Variants in NCBP3 observed in about 807,000 individuals in gnomAD.
The protein encoded by NCBP3 is nuclear cap binding subunit 3.
NCBP3 carries 20 observed loss-of-function variants against 75.7 expected under a neutral mutation model. That is an observed-to-expected ratio of 0.26 (90% CI 0.19 to 0.38). NCBP3 has a LOEUF of 0.38. NCBP3 is among the 10% of genes least tolerant of loss of function. The pLI, the probability that NCBP3 is intolerant of heterozygous loss-of-function variation, is 1.00. For missense variants in NCBP3, 678 were observed against 796.9 expected, an observed-to-expected ratio of 0.85 and a Z score of 1.80; for synonymous variants, 293 against 290.5, an observed-to-expected ratio of 1.01 and a Z score of -0.09.
At chr17:3,820,766 A>G (rs1365808273) in intron 9 of NCBP3, among the ~76,000 whole-genome samples, 3 of 152,232 alleles carry the variant, frequency 2.0e-5, no homozygotes, top group Admixed American at 1.3e-4. Flanking sequence ...CCCCATCTCT[A>G]CTAAAAATAC....
At chr17:3,820,211 A>G (rs1488142489) in intron 9 of NCBP3, among the ~76,000 whole-genome samples, 1 of 152,132 alleles carries the variant, frequency 6.6e-6, no homozygotes, top group Non-Finnish European at 1.5e-5. Context: ...TGGCCTCCCA[A>G]AGTGCTGGGA....
intron 3 of NCBP3, among the ~76,000 whole-genome samples, chr17:3,836,976 T>A (rs1368123900): frequency 7.1e-6 from 1 of 140,188 alleles, no homozygotes; most frequent in Non-Finnish European, 1.6e-5. Context: ...TGGTGAAAAC[T>A]CGTCTCTATT....
chr17:3,821,381 T>G, intron 8 of NCBP3, 29 bp from the exon 9 acceptor site: 1 of 1,546,410 alleles, frequency 6.5e-7, no homozygotes, highest in Non-Finnish European at 8.9e-7. Context: ...AAGCACACAA[T>G]CAAAAACTGA....
At chr17:3,814,660 G>A (rs1567580288) in intron 11 of NCBP3, among the ~76,000 whole-genome samples, 177 bp from the exon 12 acceptor site, 2 of 151,966 alleles carry the variant, frequency 1.3e-5, no homozygotes, top group East Asian at 1.9e-4. Flanking sequence ...AGGAAAATTC[G>A]GACATAGGGG....
chr17:3,825,713 A>T (rs1346896186), intron 6 of NCBP3, 54 bp downstream of exon 6: 1 of 1,338,526 alleles, frequency 7.5e-7, no homozygotes, highest in East Asian at 2.5e-5. Context: ...AGTTAAAAAG[A>T]CAGTGAGCAA....
rs966572782 is a variant in NCBP3, at chr17:3,838,328, G to A, written c.355+1772C>T. ...AGGAATGCTCTCGGGACCAGAGGTC[G>A]ACAGGTGTGATAAAGCTATGACGCC... On this transcript the variant is annotated intron_variant, in intron 3 of 12. Transcript: ENST00000389005. 3.3e-5 allele frequency among the ~76,000 whole-genome samples: 5 copies of A among 152,264 alleles called. No individual in the cohort carries two copies. In the East Asian group the frequency reaches 7.7e-4, roughly 23 times the overall value.
intron 3 of NCBP3, among the ~76,000 whole-genome samples, chr17:3,832,182 G>GAA (rs2053889898): frequency 1.9e-5 from 1 of 51,442 alleles, no homozygotes; most frequent in African/African-American, 6.0e-5. Context: ...AGACTCCGTC[G>GAA]CAAAAAAAAA....
intron 10 of NCBP3, among the ~76,000 whole-genome samples, chr17:3,816,560 G>A (rs1213907318): frequency 6.6e-6 from 1 of 152,228 alleles, no homozygotes; most frequent in African/African-American, 2.4e-5. Flanking sequence ...CAAACGTTAA[G>A]TAGAGGCCTA....
chr17:3,833,731 T>G (rs920001116), intron 3 of NCBP3, among the ~76,000 whole-genome samples: 2 of 152,216 alleles, frequency 1.3e-5, no homozygotes, highest in African/African-American at 4.8e-5. Context: ...CACCTGTATG[T>G]AGGTTTTTTT....
rs1184636032 is a variant in NCBP3, at chr17:3,846,032, C to A, written c.183+9G>T. Reference sequence around the variant, plus strand: ...GACCTCTTCCTTACCCCCCGACCCCCGCCCGTACCGGGATCAGTTCCTTGA... The same window carrying A: ...GACCTCTTCCTTACCCCCCGACCCCAGCCCGTACCGGGATCAGTTCCTTGA... On this transcript the variant is annotated intron_variant, in intron 1 of 12. Transcript: ENST00000389005. The surrounding 1 kb of genome is among the most constrained non-coding windows in gnomAD (Gnocchi z 4.6). 1.3e-6 allele frequency: 2 copies of A among 1,546,046 alleles called. No homozygotes were observed. Among genetic ancestry groups the A allele is most frequent in the East Asian group, 5.0e-5 (2 of 39,732 alleles).
At chr17:3,845,209 A>G (rs2054140094) in intron 1 of NCBP3, among the ~76,000 whole-genome samples, 1 of 152,204 alleles carries the variant, frequency 6.6e-6, no homozygotes, top group East Asian at 1.9e-4. Context: ...GTTAATCATA[A>G]TTATAACGTT....
intron 3 of NCBP3, among the ~76,000 whole-genome samples, chr17:3,833,321 C>T (rs1369491220): frequency 6.6e-6 from 1 of 152,028 alleles, no homozygotes; most frequent in Non-Finnish European, 1.5e-5. Context: ...ACCATGTTGC[C>T]CAGGCTGGTC....
intron 2 of NCBP3, among the ~76,000 whole-genome samples, 167 bp from the exon 3 acceptor site, chr17:3,840,372 G>A (rs935488815): frequency 3.9e-5 from 6 of 152,124 alleles, no homozygotes; most frequent in Admixed American, 6.6e-5. Context: ...CTCAATGACT[G>A]GGGGGATATG....
intron 3 of NCBP3, among the ~76,000 whole-genome samples, chr17:3,835,878 G>A (rs1456774763): frequency 1.3e-5 from 2 of 152,208 alleles, no homozygotes; most frequent in Non-Finnish European, 2.9e-5. Context: ...CAAACTGTCT[G>A]AATGCTGGCA....
At chr17:3,834,487 G>A (rs1190600967) in intron 3 of NCBP3, among the ~76,000 whole-genome samples, 1 of 152,194 alleles carries the variant, frequency 6.6e-6, no homozygotes, top group Non-Finnish European at 1.5e-5. Flanking sequence ...CAAAAATGCT[G>A]ACAGCAGGCT....
At position 3,816,684 on chromosome 17, in the gene NCBP3, T is replaced by A. The variant is rs1043049282; in HGVS notation, c.1311-414A>T. Among the ~76,000 whole-genome samples the A allele has an allele frequency of 3.3e-5, 5 of 152,360 alleles. No individual in the cohort carries two copies. In the East Asian group the frequency reaches 9.6e-4, roughly 29 times the overall value. On this transcript the variant is annotated intron_variant, in intron 10 of 12. Coordinates refer to ENST00000389005, the MANE Select transcript of NCBP3 (RefSeq NM_001114118.3). ...AGACTTCTCTTTCAAAGAGATATGC[T>A]ATCATGCTAGGTGCCAGCACCGTTC...
At chr17:3,836,537 C>CA (rs139644270) in intron 3 of NCBP3, among the ~76,000 whole-genome samples, 3,018 of 151,872 alleles carry the variant, frequency 0.02, 99 homozygotes, top group African/African-American at 0.069. Flanking sequence ...CCTGTAATCC[C>CA]AGCTACTCAG....
chr17:3,842,838 TCTCA>T (rs1265173980), intron 2 of NCBP3, among the ~76,000 whole-genome samples: 1 of 152,030 alleles, frequency 6.6e-6, no homozygotes, highest in Non-Finnish European at 1.5e-5. Flanking sequence ...TAGAGACGGG[TCTCA>T]CTATGTTGCC....
intron 10 of NCBP3, among the ~76,000 whole-genome samples, chr17:3,816,644 C>T (rs185530216): frequency 6.6e-6 from 1 of 152,346 alleles, no homozygotes; most frequent in East Asian, 1.9e-4. Context: ...TCTACAGTCT[C>T]TCTCTTTAAA....
Sources: gnomAD v4.1 joint callset for allele counts (sites outside exome capture counted in the v4.1 genomes callset) on GRCh38, gnomAD v4.1.1 for gene constraint, Gnocchi (gnomAD v3.1) non-coding constraint, MANE v1.5 for transcripts, NCBI Gene and HGNC (gene_info 2026-07-23, HGNC 2026-07-21) for gene names.